The following REPS1 variants were observed in gnomAD, a reference collection of about 807,000 sequenced individuals.
REPS1 encodes ralBP1-associated Eps domain-containing protein 1.
A neutral mutation model predicts 100.9 loss-of-function variants in REPS1; 39 were observed. The ratio of observed to expected loss-of-function variants is 0.39; its 90% CI spans 0.30 to 0.50. The LOEUF (loss-of-function observed/expected upper bound fraction) is 0.50, where lower values mean the gene tolerates loss of function less well. REPS1 is among the 20% of genes least tolerant of loss of function. The probability of loss-of-function intolerance (pLI) is 0.86; values close to 1 mark genes in which losing one functional copy is unlikely to be tolerated. For missense variants in REPS1, 821 were observed against 968.5 expected, an observed-to-expected ratio of 0.85 and a Z score of 2.02; for synonymous variants, 324 against 340.3, an observed-to-expected ratio of 0.95 and a Z score of 0.53.
chr6:138,974,206 T>C lies in REPS1; in HGVS notation c.153+13324A>G, dbSNP rs567472156. ...ACAGATCCATCCCCTGAACGAATGGTACAGCAATGCCACAGGATAACTAAA... is the reference window on the plus strand; with the variant it reads ...ACAGATCCATCCCCTGAACGAATGGCACAGCAATGCCACAGGATAACTAAA... On this transcript the variant is annotated intron_variant, in intron 1 of 19. Transcript: ENST00000450536. 8.5e-5 allele frequency among the ~76,000 whole-genome samples: 13 copies of C among 152,268 alleles called. No homozygotes were observed. In the South Asian group the frequency reaches 1.2e-3, roughly 15 times the overall value.
In REPS1 at chr6:138,911,007, T is replaced by C. The variant is rs150984424; in HGVS notation, c.2067+269A>G. On this transcript the variant is annotated intron_variant, in intron 17 of 19. Transcript: ENST00000450536. ...TATTGAAGACTACAATAAAAGAAAC[T>C]GAATTTCACCTATAAAGAAGTTCTA... 232 of 259,452 alleles carry C rather than the reference T, an allele frequency of 8.9e-4. 1 individual carries two copies. Among genetic ancestry groups the C allele is most frequent in the African/African-American group, 4.3e-3 (192 of 45,014 alleles). 16.1% of individuals were successfully genotyped at this position (259,452 alleles called of 1,614,324 possible).
intron 8 of REPS1, 110 bp from the exon 9 acceptor site, chr6:138,930,208 T>C (rs1202004176): frequency 8.5e-6 from 7 of 825,748 alleles, no homozygotes; most frequent in Admixed American, 2.6e-5. Context: ...AGTAGTAATA[T>C]ATAATCTAAA....
chr6:138,953,887 AC>A (rs1348212103), intron 1 of REPS1, among the ~76,000 whole-genome samples: 1 of 152,134 alleles, frequency 6.6e-6, no homozygotes, highest in Non-Finnish European at 1.5e-5. Context: ...GAGACACTGC[AC>A]CCCCATGTTT....
Position 138,912,935 on chromosome 6 carries a change from C to T in REPS1, c.1801G>A (p.Val601Met), listed in dbSNP as rs1038203574. 1 of 1,613,602 alleles carries T rather than the reference C, an allele frequency of 6.2e-7. No individual in the cohort carries two copies. The highest frequency in any genetic ancestry group is 1.7e-5 in the Admixed American group (1 of 59,968). Residue 601 changes from valine to methionine, a missense_variant, in exon 16 of 20, where the codon GTG becomes ATG. By Grantham distance (21) the Val-to-Met change is conservative. Around this residue, in one of 3 missense-constraint regions of REPS1, gnomAD observed 757 missense variants for 866.4 expected, o/e 0.87. Coordinates refer to ENST00000450536, the MANE Select transcript of REPS1 (RefSeq NM_001286611.2). ...PQPSQAPGPAVHRPVDADGLI... is the reference protein window; with the variant it reads ...PQPSQAPGPAMHRPVDADGLI... ...CCATCGGCATCCACTGGGCGATGCA[C>T]AGCAGGACCAGGAGCCTGTGCAATG...
At chr6:138,966,930 A>G (rs2128497228) in intron 1 of REPS1, among the ~76,000 whole-genome samples, 1 of 152,370 alleles carries the variant, frequency 6.6e-6, no homozygotes, top group Middle Eastern at 3.4e-3. Flanking sequence ...GATACGCTTT[A>G]AACCACAGGC....
At chr6:138,937,340 T>C (rs1321466430) in intron 8 of REPS1, among the ~76,000 whole-genome samples, 2 of 152,218 alleles carry the variant, frequency 1.3e-5, no homozygotes, top group Non-Finnish European at 2.9e-5. Context: ...TATGATTGCG[T>C]CTGTATAAAC....
rs185128557 is a variant in REPS1, at chr6:138,931,594, T to C, written c.1136-1496A>G. Among the ~76,000 whole-genome samples, 35 of 152,328 alleles carry C rather than the reference T, an allele frequency of 2.3e-4. No individual in the cohort carries two copies. The East Asian group carries it at 4.8e-3, about 21-fold the overall frequency. On this transcript the variant is annotated intron_variant, in intron 8 of 19. Coordinates refer to ENST00000450536, the MANE Select transcript of REPS1 (RefSeq NM_001286611.2). ...TTGTTTTCTAAGATCAGAAATTATT[T>C]CTTTCTTAAGTCCTATATCTTCTCA...
At chr6:138,930,213 T>C in intron 8 of REPS1, 115 bp from the exon 9 acceptor site, 2 of 767,978 alleles carry the variant, frequency 2.6e-6, no homozygotes, top group Non-Finnish European at 4.1e-6. Context: ...TAATATATAA[T>C]CTAAATCTCC....
chr6:138,945,122 T>C (rs773064826), intron 4 of REPS1, 97 bp downstream of exon 4: 8 of 1,067,630 alleles, frequency 7.5e-6, no homozygotes, highest in Non-Finnish European at 1.0e-5. Context: ...AATCCCCACC[T>C]ACTCAGGAGG....
chr6:138,981,343 T>C (rs534073251), intron 1 of REPS1, among the ~76,000 whole-genome samples: 1 of 152,258 alleles, frequency 6.6e-6, no homozygotes, highest in East Asian at 1.9e-4. Context: ...TGGTATACAG[T>C]TTAACTTCCA....
intron 1 of REPS1, among the ~76,000 whole-genome samples, chr6:138,961,627 C>T (rs969826508): frequency 1.3e-5 from 2 of 152,172 alleles, no homozygotes; most frequent in African/African-American, 4.8e-5. Flanking sequence ...TCTGCCATGA[C>T]TTTTACACCA....
chr6:138,980,924 C>A (rs1784914095), intron 1 of REPS1, among the ~76,000 whole-genome samples: 1 of 152,096 alleles, frequency 6.6e-6, no homozygotes, highest in African/African-American at 2.4e-5. Context: ...CATGTATACC[C>A]CCAATACAAA....
intron 10 of REPS1, among the ~76,000 whole-genome samples, chr6:138,923,637 C>T (rs1188877): frequency 0.36 from 55,364 of 151,972 alleles, 11,909 homozygotes; most frequent in Admixed American, 0.51. Context: ...AGGCTACTAA[C>T]TGACAAGCAG....
At chr6:138,932,309 A>G (rs565149204) in intron 8 of REPS1, among the ~76,000 whole-genome samples, 106 of 127,038 alleles carry the variant, frequency 8.3e-4, no homozygotes, top group Admixed American at 2.8e-3. Context: ...ACAGACCCCT[A>G]AGAGTCCCCA....
At chr6:138,928,903 T>C (rs1042149286) in intron 9 of REPS1, 1 of 152,178 alleles carries the variant, frequency 6.6e-6, no homozygotes, top group Admixed American at 6.5e-5. Flanking sequence ...CATCCAATAG[T>C]AGGATGGATG....
chr6:138,984,591 A>G (rs1785151008), intron 1 of REPS1, among the ~76,000 whole-genome samples: 1 of 152,182 alleles, frequency 6.6e-6, no homozygotes, highest in Non-Finnish European at 1.5e-5. Flanking sequence ...GTCTCTAGAC[A>G]CTGCCAAATG....
chr6:138,920,421 A>C, intron 11 of REPS1, 105 bp from the exon 12 acceptor site: 1 of 503,158 alleles, frequency 2.0e-6, no homozygotes, highest in Admixed American at 3.2e-5. Context: ...AAGAAGTGGC[A>C]GGTAAATCCA....
chr6:138,987,862 G>A lies in REPS1; in HGVS notation c.-180C>T, dbSNP rs1289974152. 9 of 628,994 alleles carry A rather than the reference G, an allele frequency of 1.4e-5. No homozygotes were observed. Among genetic ancestry groups the A allele is most frequent in the Non-Finnish European group, 1.8e-5 (8 of 439,586 alleles). The allele number at this position is 628,994 out of a possible 1,614,324, so 39.0% of individuals were successfully genotyped here. A position where few individuals can be genotyped will look rare whatever the true frequency, so the allele number is the denominator to read the frequency against. On this transcript the variant is annotated 5_prime_UTR_variant, in exon 1 of 20. Coordinates refer to ENST00000450536, the MANE Select transcript of REPS1 (RefSeq NM_001286611.2). ...AACAGGGCCCGGAGGTCGCGAGGAG[G>A]GGGCCCGGCTGCGCTCGCCGCGCCG...
chr6:138,908,674 A>G lies in REPS1; in HGVS notation c.2210T>C (p.Ile737Thr), dbSNP rs775212317. 6.2e-7 allele frequency: 1 copy of G among 1,614,146 alleles called. No individual in the cohort carries two copies. Among genetic ancestry groups the G allele is most frequent in the East Asian group, 2.2e-5 (1 of 44,874 alleles). Residue 737 changes from isoleucine to threonine, a missense_variant, in exon 18 of 20, where the codon ATT becomes ACT. Physicochemically the swap from Ile to Thr is moderately conservative, Grantham distance 89. Around this residue, in one of 3 missense-constraint regions of REPS1, gnomAD observed 757 missense variants for 866.4 expected, o/e 0.87. Coordinates refer to ENST00000450536, the MANE Select transcript of REPS1 (RefSeq NM_001286611.2). ...LAAVLASQPS[I>T]PRSVGKDKKA... is the part of the protein sequence containing the mutation. ...TAGGAATAGCTTTGATTACCTGGGA[A>G]TAGAAGGTTGTGATGCAAGAACAGC...
Sources: gnomAD v4.1 joint callset for allele counts (sites outside exome capture counted in the v4.1 genomes callset) on GRCh38, gnomAD v4.1.1 for gene constraint, gnomAD v4.1.1 regional missense constraint, MANE v1.5 for transcripts, NCBI Gene and HGNC (gene_info 2026-07-23, HGNC 2026-07-21) for gene names.